RANBP2: variants seen among roughly 807,000 people sequenced by gnomAD.
RANBP2 encodes E3 SUMO-protein ligase RanBP2.
A neutral mutation model predicts 303.6 loss-of-function variants in RANBP2; 57 were observed. The observed-to-expected ratio is 0.19, with a 90% confidence interval of 0.15 to 0.23. The LOEUF is 0.23. RANBP2 is among the 10% of genes least tolerant of loss of function. The probability of loss-of-function intolerance (pLI) is 1.00; values close to 1 mark genes in which losing one functional copy is unlikely to be tolerated. For missense variants in RANBP2, 3,138 were observed against 3,780.8 expected, an observed-to-expected ratio of 0.83 and a Z score of 4.46; for synonymous variants, 1,167 against 1,301.5, an observed-to-expected ratio of 0.90 and a Z score of 2.23.
the RANBP2 span, among the ~76,000 whole-genome samples, chr2:109,380,567 G>C: frequency 6.6e-6 from 1 of 152,230 alleles, no homozygotes; most frequent in Admixed American, 6.5e-5. Flanking sequence ...AAGTTTTTGT[G>C]AAGCCCCTTG....
chr2:109,530,860 C>T, the RANBP2 span, among the ~76,000 whole-genome samples: 1 of 152,130 alleles, frequency 6.6e-6, no homozygotes, highest in Non-Finnish European at 1.5e-5. Flanking sequence ...CAGGGCAGTT[C>T]CTGGGCAGTT....
chr2:108,818,802 A>G, the RANBP2 span, among the ~76,000 whole-genome samples: 1 of 150,946 alleles, frequency 6.6e-6, no homozygotes, highest in African/African-American at 2.4e-5. Flanking sequence ...TTCAGAAATT[A>G]CCTTTGGAAA....
chr2:109,078,697 T>C, the RANBP2 span, among the ~76,000 whole-genome samples: 2 of 150,432 alleles, frequency 1.3e-5, no homozygotes, highest in Non-Finnish European at 3.0e-5. Context: ...AAGGTGACCA[T>C]GTGGGCCGGG....
At chr2:108,909,007 G>A in the RANBP2 span, among the ~76,000 whole-genome samples, 1 of 152,150 alleles carries the variant, frequency 6.6e-6, no homozygotes, top group Non-Finnish European at 1.5e-5. Flanking sequence ...AGGTGAGGTG[G>A]CACCCCAGGT....
the RANBP2 span, among the ~76,000 whole-genome samples, chr2:109,248,813 C>T: frequency 2.0e-5 from 3 of 149,610 alleles, no homozygotes; most frequent in East Asian, 2.0e-4. Context: ...CTTTCTCTTT[C>T]GTTTTCTCTC....
At chr2:109,488,740 A>C in the RANBP2 span, among the ~76,000 whole-genome samples, 1 of 152,262 alleles carries the variant, frequency 6.6e-6, no homozygotes, top group Non-Finnish European at 1.5e-5. Flanking sequence ...AGCTGCCAGC[A>C]CATGAAGGGC....
chr2:109,766,480 G>T, the RANBP2 span, among the ~76,000 whole-genome samples: 1 of 150,600 alleles, frequency 6.6e-6, no homozygotes, highest in South Asian at 2.2e-4. Context: ...TTAATGTGTG[G>T]ATAGGTTTTT....
the RANBP2 span, among the ~76,000 whole-genome samples, chr2:109,016,697 G>C: frequency 3.7e-4 from 57 of 152,232 alleles, no homozygotes; most frequent in South Asian, 6.2e-4. Flanking sequence ...GCTGCCCAGA[G>C]CCAAGCCCTG....
chr2:109,284,852 T>A, the RANBP2 span, among the ~76,000 whole-genome samples: 20 of 152,136 alleles, frequency 1.3e-4, no homozygotes, highest in African/African-American at 4.8e-4. Context: ...ATGTGTGGCT[T>A]CATGTAGGTT....
chr2:109,546,592 T>C, the RANBP2 span, among the ~76,000 whole-genome samples: 1 of 151,958 alleles, frequency 6.6e-6, no homozygotes, highest in African/African-American at 2.4e-5. Flanking sequence ...ATGCAAAGTA[T>C]AGAAAGAAAT....
chr2:109,669,803 G>A, the RANBP2 span, among the ~76,000 whole-genome samples: 25 of 152,082 alleles, frequency 1.6e-4, no homozygotes, highest in Non-Finnish European at 2.9e-4. Flanking sequence ...CCTTGATAGT[G>A]CACCCAACCT....
At chr2:109,638,196 T>G in the RANBP2 span, among the ~76,000 whole-genome samples, 1 of 151,796 alleles carries the variant, frequency 6.6e-6, no homozygotes, top group Admixed American at 6.6e-5. Flanking sequence ...AAAGATAACA[T>G]GGGAGGTCTT....
the RANBP2 span, among the ~76,000 whole-genome samples, chr2:109,640,891 C>A: frequency 6.6e-6 from 1 of 152,158 alleles, no homozygotes; most frequent in Admixed American, 6.6e-5. Context: ...GCCTTTCCTT[C>A]CAAATCGACT....
the RANBP2 span, among the ~76,000 whole-genome samples, chr2:109,550,506 G>A: frequency 1.3e-5 from 2 of 151,800 alleles, no homozygotes; most frequent in Non-Finnish European, 2.9e-5. Context: ...TAGAGATGGG[G>A]TTTCACCATA....
At chr2:108,812,988 A>G in the RANBP2 span, 2 of 1,390,186 alleles carry the variant, frequency 1.4e-6, no homozygotes, top group Admixed American at 1.8e-5. Context: ...GGTGGCTCAC[A>G]CCTGTAATCC....
the RANBP2 span, among the ~76,000 whole-genome samples, chr2:109,687,818 C>A: frequency 1.3e-5 from 2 of 150,746 alleles, no homozygotes; most frequent in East Asian, 3.9e-4. Flanking sequence ...TCATGGCTCA[C>A]TGCAGCCTCA....
chr2:108,994,794 TTATATATATATATATATATA>T, the RANBP2 span, among the ~76,000 whole-genome samples: 1 of 114,848 alleles, frequency 8.7e-6, no homozygotes, highest in African/African-American at 3.6e-5. Flanking sequence ...GTGCATTGGG[TTATATATATATATATATATA>T]TATATATATA....
the RANBP2 span, among the ~76,000 whole-genome samples, chr2:109,083,458 C>T: frequency 1.3e-5 from 2 of 152,198 alleles, no homozygotes; most frequent in Admixed American, 6.5e-5. Flanking sequence ...CATGCTGCAG[C>T]GTGTGTCAGA....
At chr2:108,939,864 GT>G in the RANBP2 span, among the ~76,000 whole-genome samples, 12 of 152,274 alleles carry the variant, frequency 7.9e-5, no homozygotes, top group African/African-American at 2.9e-4. Context: ...AGCCATTCCT[GT>G]TGGATCTGGA....
Sources: gnomAD v4.1 joint callset for allele counts (sites outside exome capture counted in the v4.1 genomes callset) on GRCh38, gnomAD v4.1.1 for gene constraint, MANE v1.5 for transcripts, NCBI Gene and HGNC (gene_info 2026-07-23, HGNC 2026-07-21) for gene names.